The following RALGAPA2 variants were observed in gnomAD, a reference collection of about 807,000 sequenced individuals.
RALGAPA2 encodes the protein Ral GTPase activating protein catalytic subunit alpha 2, also known as ral GTPase-activating protein subunit alpha-2.
RALGAPA2 carries 139 observed loss-of-function variants against 230.4 expected under a neutral mutation model. That is an observed-to-expected ratio of 0.60 (90% confidence interval 0.53 to 0.69). RALGAPA2 has a LOEUF of 0.69. Ranked by LOEUF, RALGAPA2 falls within the 30% of genes least tolerant of loss-of-function variation. RALGAPA2 has a pLI of 0.00. For missense variants in RALGAPA2, 2,163 were observed against 2,276.0 expected (o/e 0.95, Z 1.01); for synonymous variants, 847 against 837.8 (o/e 1.01, Z -0.19).
At chr20:20,453,313 C>T (rs2061033000) in intron 37 of RALGAPA2, among the ~76,000 whole-genome samples, 1 of 152,142 alleles carries the variant, frequency 6.6e-6, no homozygotes, top group Admixed American at 6.5e-5. Context: ...GACAGTAGCA[C>T]ATCTCCTTAT....
At chr20:20,508,870 T>C (rs562873656) in intron 33 of RALGAPA2, among the ~76,000 whole-genome samples, 4 of 152,322 alleles carry the variant, frequency 2.6e-5, no homozygotes, top group Admixed American at 1.3e-4. Context: ...GAGTTGGGGT[T>C]TTAAGTGAAG....
chr20:20,615,970 C>A, intron 13 of RALGAPA2, 73 bp downstream of exon 13: 1 of 1,146,792 alleles, frequency 8.7e-7, no homozygotes, highest in Non-Finnish European at 1.2e-6. Flanking sequence ...TAAATGCAAG[C>A]CTTAACATTT....
chr20:20,618,160 A>T (rs919048937), intron 12 of RALGAPA2, among the ~76,000 whole-genome samples: 1 of 152,212 alleles, frequency 6.6e-6, no homozygotes, highest in African/African-American at 2.4e-5. Context: ...ACCTACTGTA[A>T]ATGTAACTCA....
chr20:20,526,408 G>T (rs1464357731), intron 27 of RALGAPA2, 46 bp from the exon 28 acceptor site: 1 of 1,273,268 alleles, frequency 7.9e-7, no homozygotes, highest in Non-Finnish European at 1.1e-6. Context: ...AACTTAACAG[G>T]TGTATCGTTC....
At chr20:20,632,997 G>A (rs543475709) in intron 9 of RALGAPA2, among the ~76,000 whole-genome samples, 3 of 150,004 alleles carry the variant, frequency 2.0e-5, no homozygotes, top group South Asian at 4.3e-4. Context: ...TTCTTCCACG[G>A]CTACTGGGTC....
At chr20:20,597,802 G>A (rs1368283763) in intron 16 of RALGAPA2, among the ~76,000 whole-genome samples, 2 of 152,082 alleles carry the variant, frequency 1.3e-5, no homozygotes, top group Non-Finnish European at 2.9e-5. Flanking sequence ...TCATGCCACT[G>A]CACTCCAGCC....
At chr20:20,409,730 T>C (rs2060020783) in intron 38 of RALGAPA2, among the ~76,000 whole-genome samples, 1 of 152,252 alleles carries the variant, frequency 6.6e-6, no homozygotes, top group Non-Finnish European at 1.5e-5. Flanking sequence ...GAAGCCAGTA[T>C]GTAAGCTAGA....
At position 20,676,193 on chromosome 20, in the gene RALGAPA2, C is replaced by T. The variant is rs151271278; in HGVS notation, c.270+43G>A. On this transcript the variant is annotated intron_variant, in intron 3 of 39. Transcript: ENST00000202677. ...ATTAAAGATCAAAAATACTTTATTT[C>T]CAACAAGAATTATAAAAGCTAAATA... 1,867 of 1,293,434 alleles carry T rather than the reference C, an allele frequency of 1.4e-3. 37 individuals carry two copies. The Admixed American group carries it at 0.032, about 22-fold the overall frequency. The allele number at this position is 1,293,434 out of a possible 1,614,324, so 80.1% of individuals were successfully genotyped here.
At chr20:20,625,496 C>T (rs1263713025) in intron 10 of RALGAPA2, among the ~76,000 whole-genome samples, 4 of 152,116 alleles carry the variant, frequency 2.6e-5, no homozygotes, top group Non-Finnish European at 5.9e-5. Flanking sequence ...AACAAACATC[C>T]TTTAGAGCAG....
chr20:20,491,702 G>GA (rs1227653580), intron 36 of RALGAPA2, among the ~76,000 whole-genome samples: 1 of 152,076 alleles, frequency 6.6e-6, no homozygotes, highest in African/African-American at 2.4e-5. Flanking sequence ...ATAAAAGCTG[G>GA]AAAAAACATA....
Position 20,583,232 on chromosome 20 carries a change from A to T in RALGAPA2, c.2531-6T>A, listed in dbSNP as rs1211871029. The T allele has an allele frequency of 6.3e-7, 1 of 1,583,802 alleles. No homozygotes were observed. The highest frequency in any genetic ancestry group is 1.2e-5 in the South Asian group (1 of 85,918). On this transcript the variant is annotated splice_polypyrimidine_tract_variant and splice_region_variant and intron_variant, in intron 19 of 39. Coordinates refer to ENST00000202677, the MANE Select transcript of RALGAPA2 (RefSeq NM_020343.4). ...GTCACTGTTGGTACTTTCACCTGGT[A>T]CAATGGAAGAACCAAAGTTTAAGAT... is the stretch of plus-strand genomic sequence containing the variant.
rs1366156456 is a variant in RALGAPA2 at position 20,437,362 on chromosome 20, G to A, written c.5496-25214C>T. ...CACCACACGCCACCATCCAGGCCAC[G>A]CCATTGTCATTTCGTTCCTGGATTA... is the stretch of plus-strand genomic sequence containing the variant. On this transcript the variant is annotated intron_variant, in intron 37 of 39. Coordinates refer to ENST00000202677, the MANE Select transcript of RALGAPA2 (RefSeq NM_020343.4). This position sits in a 1 kb window ranked among gnomAD's most constrained non-coding sequence, Gnocchi z 4.1. 6.6e-6 allele frequency among the ~76,000 whole-genome samples: 1 copy of A among 152,026 alleles called. No homozygotes were observed. The highest frequency in any genetic ancestry group is 6.5e-5 in the Admixed American group (1 of 15,278).
At chr20:20,651,500 G>A (rs1175457857) in intron 4 of RALGAPA2, among the ~76,000 whole-genome samples, 1 of 152,004 alleles carries the variant, frequency 6.6e-6, no homozygotes, top group African/African-American at 2.4e-5. Context: ...TCAGTATTTG[G>A]CAATCTCAAT....
intron 16 of RALGAPA2, among the ~76,000 whole-genome samples, chr20:20,596,111 G>T (rs944683459): frequency 3.7e-4 from 56 of 152,242 alleles, no homozygotes; most frequent in African/African-American, 1.2e-3. Context: ...CATATTAATG[G>T]AAACAGGTGG....
chr20:20,711,126 CTCAAGGTATGTGAGATTGTGAAT>C (rs1395976107), intron 1 of RALGAPA2, among the ~76,000 whole-genome samples: 2 of 152,210 alleles, frequency 1.3e-5, no homozygotes, highest in African/African-American at 4.8e-5. Context: ...TCAGTGTAAC[CTCAAGGTATGTGAGATTGTGAAT>C]AACTTCACTT....
chr20:20,655,400 C>T (rs939166960), intron 3 of RALGAPA2, among the ~76,000 whole-genome samples: 68 of 151,892 alleles, frequency 4.5e-4, no homozygotes, highest in African/African-American at 1.6e-3. Flanking sequence ...AGAGCTTCAC[C>T]TCAGCAGGGG....
chr20:20,668,394 C>G (rs1006602048), intron 3 of RALGAPA2, among the ~76,000 whole-genome samples: 8 of 152,118 alleles, frequency 5.3e-5, no homozygotes, highest in African/African-American at 1.9e-4. Context: ...CAGAGCGAGA[C>G]TGTGTCTCAA....
At chr20:20,422,668 A>G (rs2060300995) in intron 37 of RALGAPA2, among the ~76,000 whole-genome samples, 1 of 152,246 alleles carries the variant, frequency 6.6e-6, no homozygotes, top group African/African-American at 2.4e-5. Flanking sequence ...TGAACACATG[A>G]GAGAACAAAT....
In RALGAPA2 at chr20:20,512,920, G is replaced by C. The variant is rs369819412; in HGVS notation, c.4449C>G (p.Gly1483=). Residue 1483 remains glycine, a synonymous_variant, in exon 32 of 40, where the codon GGC becomes GGG. Coordinates refer to ENST00000202677, the MANE Select transcript of RALGAPA2 (RefSeq NM_020343.4). ...DGKVLYGPLE[G]CLAPNGRNPS... The stretch of plus-strand genomic sequence containing the variant: ...GATTTCTTCCATTGGGTGCTAAGCA[G>C]CCTTCCAAAGGTCCATATAAAACCT... 16 of 1,613,688 alleles carry C rather than the reference G, an allele frequency of 9.9e-6. No homozygotes were observed. The highest frequency in any genetic ancestry group is 1.7e-5 in the Admixed American group (1 of 60,000).
Sources: gnomAD v4.1 joint callset for allele counts (sites outside exome capture counted in the v4.1 genomes callset) on GRCh38, gnomAD v4.1.1 for gene constraint, Gnocchi (gnomAD v3.1) non-coding constraint, MANE v1.5 for transcripts, NCBI Gene and HGNC (gene_info 2026-07-23, HGNC 2026-07-21) for gene names.